The following NCAM2 variants were observed in gnomAD, a reference collection of about 807,000 sequenced individuals.
NCAM2 encodes the protein N-CAM-2.
Under a neutral mutation model 98.1 loss-of-function variants are expected in NCAM2, and 30 were observed. The ratio of observed to expected loss-of-function variants is 0.31; its 90% CI spans 0.23 to 0.41. The LOEUF is 0.41. NCAM2 is among the 10% of genes least tolerant of loss of function. The pLI is 1.00. For synonymous variants in NCAM2, 368 were observed against 342.4 expected (o/e 1.07, Z -0.83); for missense variants, 867 against 1,005.8 (o/e 0.86, Z 1.87).
At chr21:21,443,404 C>A (rs1426746027) in intron 12 of NCAM2, among the ~76,000 whole-genome samples, 1 of 150,304 alleles carries the variant, frequency 6.7e-6, no homozygotes, top group Admixed American at 6.7e-5. Context: ...TGCACATGAA[C>A]CCCAGAACTT....
intron 5 of NCAM2, among the ~76,000 whole-genome samples, chr21:21,320,062 C>A (rs572810651): frequency 6.6e-6 from 1 of 152,216 alleles, no homozygotes; most frequent in Non-Finnish European, 1.5e-5. Context: ...CTGTGTTGTT[C>A]AGATAGGTTT....
chr21:21,234,707 T>C (rs1053139478), intron 1 of NCAM2, among the ~76,000 whole-genome samples: 1 of 151,964 alleles, frequency 6.6e-6, no homozygotes, highest in Non-Finnish European at 1.5e-5. Context: ...CCCAAGCTTT[T>C]CCTCTGAGTT....
In NCAM2 at chr21:21,524,518, G is replaced by A. The variant is rs143156409; in HGVS notation, c.2283-10019G>A. 1.4e-4 allele frequency among the ~76,000 whole-genome samples: 21 copies of A among 147,382 alleles called. No individual in the cohort carries two copies. In the East Asian group the frequency reaches 3.8e-3, roughly 27 times the overall value. The stretch of plus-strand genomic sequence containing the variant: ...GCACTCCAGCCTATACAACAAGAGC[G>A]AAACTCTGTAACAAAAAAAAAGGGG... On this transcript the variant is annotated intron_variant, in intron 16 of 17. Transcript: ENST00000400546.
At chr21:21,531,843 A>T (rs76137581) in intron 16 of NCAM2, among the ~76,000 whole-genome samples, 2 of 150,070 alleles carry the variant, frequency 1.3e-5, no homozygotes, top group Admixed American at 1.3e-4. Context: ...AAAAAAAAAA[A>T]TTAGCCGGGC....
At chr21:21,339,508 A>G (rs946497015) in intron 8 of NCAM2, among the ~76,000 whole-genome samples, 2 of 152,068 alleles carry the variant, frequency 1.3e-5, no homozygotes, top group Non-Finnish European at 2.9e-5. Context: ...GCAATTTCAC[A>G]TAAGTGAAGA....
intron 9 of NCAM2, among the ~76,000 whole-genome samples, chr21:21,394,665 T>C (rs533048122): frequency 1.3e-5 from 2 of 151,780 alleles, no homozygotes; most frequent in East Asian, 3.9e-4. Flanking sequence ...TTTTTTGTAT[T>C]TTTAGTAGAG....
At chr21:21,308,428 C>G (rs1383185805) in intron 5 of NCAM2, among the ~76,000 whole-genome samples, 1 of 152,018 alleles carries the variant, frequency 6.6e-6, no homozygotes, top group Non-Finnish European at 1.5e-5. Flanking sequence ...TTTTTCAGTA[C>G]TATAAACATT....
intron 8 of NCAM2, among the ~76,000 whole-genome samples, chr21:21,369,987 A>T (rs981975525): frequency 3.3e-5 from 5 of 151,522 alleles, no homozygotes; most frequent in African/African-American, 1.2e-4. Flanking sequence ...GCACTCTTTA[A>T]CGACCCCAAG....
Position 21,327,306 on chromosome 21 carries a change from CAA to C in NCAM2, c.737+2829_737+2830del, listed in dbSNP as rs11384559. 1.5e-3 allele frequency among the ~76,000 whole-genome samples: 123 copies of C among 82,158 alleles called. No individual in the cohort carries two copies. In the South Asian group the frequency reaches 0.03, roughly 20 times the overall value. The allele number at this position is 82,158 out of a possible 152,430, so 53.9% of individuals were successfully genotyped here. ...CAGGCAACAGAGCAAGACTCTGTCT[CAA>C]AAAAAAAAAAAAAAAAAAAAAATTT... On this transcript the variant is annotated intron_variant, in intron 6 of 17. Coordinates refer to ENST00000400546, the MANE Select transcript of NCAM2 (RefSeq NM_004540.5).
chr21:21,271,836 C>G (rs947460217), intron 1 of NCAM2, among the ~76,000 whole-genome samples: 4 of 152,082 alleles, frequency 2.6e-5, no homozygotes, highest in African/African-American at 9.6e-5. Context: ...GAAATAAGTT[C>G]TAGTCAATGA....
rs138885166 is a variant in NCAM2 at position 21,041,815 on chromosome 21, A to T, written c.55+43197A>T. On this transcript the variant is annotated intron_variant, in intron 1 of 17. Coordinates refer to ENST00000400546, the MANE Select transcript of NCAM2 (RefSeq NM_004540.5). ...AAACACTTGTCCTGAAAGACAGGGG[A>T]TAGATGATTATTCTGATCTTGGTTG... is the stretch of plus-strand genomic sequence containing the variant. 4.8e-3 allele frequency among the ~76,000 whole-genome samples: 728 copies of T among 152,286 alleles called. 5 individuals carry two copies. Among genetic ancestry groups the T allele is most frequent in the Non-Finnish European group, 7.4e-3 (505 of 68,014 alleles).
chr21:21,392,386 A>G (rs1335780075), intron 9 of NCAM2, among the ~76,000 whole-genome samples: 2 of 152,174 alleles, frequency 1.3e-5, no homozygotes, highest in Non-Finnish European at 2.9e-5. Context: ...TGTCTTTGCT[A>G]TTGTGAATAG....
At chr21:21,338,276 A>T in intron 7 of NCAM2, 113 bp from the exon 8 acceptor site, 1 of 1,001,016 alleles carries the variant, frequency 1.0e-6, no homozygotes, top group Non-Finnish European at 1.4e-6. Context: ...TAATTCTACA[A>T]AGCTAATAAT....
chr21:21,359,418 T>C (rs2075583828), intron 8 of NCAM2, among the ~76,000 whole-genome samples: 1 of 152,018 alleles, frequency 6.6e-6, no homozygotes, highest in Non-Finnish European at 1.5e-5. Context: ...TTCAGAAAAG[T>C]CTAGTCATAT....
Position 20,998,443 on chromosome 21 carries a change from C to A in NCAM2, c.-121C>A, listed in dbSNP as rs1418929314. The A allele has an allele frequency of 2.2e-6, 2 of 896,878 alleles. No homozygotes were observed. Among genetic ancestry groups the A allele is most frequent in the Non-Finnish European group, 3.4e-6 (2 of 595,698 alleles). 55.6% of individuals were successfully genotyped at this position (896,878 alleles called of 1,614,324 possible). Reference sequence around the variant, plus strand: ...GGAGGAGCGCGCGGGCTGCGGGCGGCTGGGGCACCGCGGGAGCGGCGGCGG... The same window carrying A: ...GGAGGAGCGCGCGGGCTGCGGGCGGATGGGGCACCGCGGGAGCGGCGGCGG... On this transcript the variant is annotated 5_prime_UTR_variant, in exon 1 of 18. It adds an upstream start codon to the 5' untranslated region. Transcript: ENST00000400546.
chr21:21,236,660 T>A lies in NCAM2; in HGVS notation c.56-43918T>A, dbSNP rs954818915. On this transcript the variant is annotated intron_variant, in intron 1 of 17. Coordinates refer to ENST00000400546, the MANE Select transcript of NCAM2 (RefSeq NM_004540.5). ...AAAGTGAGATAAACTTGGGTCTTTT[T>A]ATGTTGCCTAGTATTTAATAAACTT... Among the ~76,000 whole-genome samples the A allele has an allele frequency of 1.1e-4, 16 of 152,176 alleles. 1 individual carries two copies. The highest frequency in any genetic ancestry group is 3.6e-4 in the African/African-American group (15 of 41,456).
At chr21:21,047,733 C>G (rs2065029292) in intron 1 of NCAM2, among the ~76,000 whole-genome samples, 1 of 152,022 alleles carries the variant, frequency 6.6e-6, no homozygotes, top group Non-Finnish European at 1.5e-5. Context: ...TGCTAATGGC[C>G]ATTTTACTGC....
At chr21:21,259,587 A>G (rs1040251976) in intron 1 of NCAM2, among the ~76,000 whole-genome samples, 1 of 152,136 alleles carries the variant, frequency 6.6e-6, no homozygotes, top group African/African-American at 2.4e-5. Context: ...CACCTACTGA[A>G]CTGGAGCCCA....
At chr21:21,098,358 T>C (rs1340271065) in intron 1 of NCAM2, among the ~76,000 whole-genome samples, 1 of 151,764 alleles carries the variant, frequency 6.6e-6, no homozygotes, top group Non-Finnish European at 1.5e-5. Context: ...CTATTAGACC[T>C]TTTTTCTGTA....
Sources: allele counts gnomAD v4.1 joint callset (sites outside exome capture counted in the v4.1 genomes callset), GRCh38; gene constraint gnomAD v4.1.1; transcripts MANE v1.5; gene names NCBI Gene and HGNC (gene_info 2026-07-23, HGNC 2026-07-21).